CPAMD8: variants seen among roughly 807,000 people sequenced by gnomAD.
CPAMD8 encodes the protein C3 and PZP like alpha-2-macroglobulin domain containing 8.
In CPAMD8, 146 loss-of-function variants were observed where a neutral mutation model predicts 224.7. That is an observed-to-expected ratio of 0.65 (90% CI 0.57 to 0.75). CPAMD8 has a LOEUF of 0.75. Among genes scored for constraint, CPAMD8 ranks in the 30% least tolerant of loss-of-function variants. The pLI, the probability that CPAMD8 is intolerant of heterozygous loss-of-function variation, is 0.00. For missense variants in CPAMD8, 2,301 were observed against 2,537.5 expected, an observed-to-expected ratio of 0.91 and a Z score of 2.00; for synonymous variants, 966 against 1,044.6, an observed-to-expected ratio of 0.92 and a Z score of 1.45.
chr19:17,026,475 G>GCAACACTCTGAGCCAGTACCCGCGACCCC, intron 1 of CPAMD8, 76 bp downstream of exon 1: 1 of 1,377,606 alleles, frequency 7.3e-7, no homozygotes, highest in East Asian at 3.1e-5. Context: ...GCAGGTCGCT[G>GCAACACTCTGAGCCAGTACCCGCGACCCC]CAACACTCTG....
At chr19:16,932,711 C>T (rs2053581536) in intron 23 of CPAMD8, among the ~76,000 whole-genome samples, 1 of 151,840 alleles carries the variant, frequency 6.6e-6, no homozygotes, top group South Asian at 2.1e-4. Context: ...TATAAAGTAA[C>T]CAAATACTCA....
At chr19:16,950,793 G>GAAA (rs757775739) in intron 20 of CPAMD8, among the ~76,000 whole-genome samples, 20 of 45,794 alleles carry the variant, frequency 4.4e-4, no homozygotes, top group African/African-American at 1.1e-3. Flanking sequence ...ACCCTGTCTC[G>GAAA]AAAAAAAAAA....
chr19:16,942,973 T>C (rs73496863), intron 22 of CPAMD8, among the ~76,000 whole-genome samples: 3,011 of 151,910 alleles, frequency 0.02, 38 homozygotes, highest in African/African-American at 0.026. Context: ...ATACACCATG[T>C]GGCCTTTTGT....
intron 20 of CPAMD8, among the ~76,000 whole-genome samples, chr19:16,948,124 C>T (rs1568514613): frequency 6.6e-6 from 1 of 152,212 alleles, no homozygotes; most frequent in South Asian, 2.1e-4. Flanking sequence ...TTTGCAACCC[C>T]TCCATCTAAG....
In CPAMD8 at chr19:16,904,279, C is replaced by T. The variant is rs2052381571; in HGVS notation, c.4198G>A (p.Val1400Met). The stretch of plus-strand genomic sequence containing the variant: ...TTTCGCTGCTGGGACAGCCACTTCA[C>T]CACAGGCAGGGCGGCAGCCACGTCA... ...LGDVAAALPV[V>M]KWLSQQRNAL... Residue 1400 changes from valine to methionine, a missense_variant, in exon 32 of 42, where the codon GTG (valine) becomes ATG (methionine). Physicochemically the swap from Val to Met is conservative, Grantham distance 21. Around this residue, in one of 4 missense-constraint regions of CPAMD8, gnomAD observed 1,709 missense variants for 1,753.2 expected, o/e 0.97. Coordinates refer to ENST00000443236, the MANE Select transcript of CPAMD8 (RefSeq NM_015692.5). The T allele has an allele frequency of 6.2e-7, 1 of 1,607,782 alleles. No individual in the cohort carries two copies.
chr19:16,907,260 C>T (rs1346076644), intron 29 of CPAMD8, 143 bp from the exon 30 acceptor site: 2 of 994,952 alleles, frequency 2.0e-6, no homozygotes, highest in Non-Finnish European at 2.6e-6. Flanking sequence ...CTCTCACTGC[C>T]TGCAGACCCA....
chr19:16,945,365 G>A (rs77632970), intron 22 of CPAMD8, among the ~76,000 whole-genome samples, 184 bp downstream of exon 22: 59 of 152,252 alleles, frequency 3.9e-4, no homozygotes, highest in African/African-American at 1.3e-3. Flanking sequence ...GGGAGGGAAC[G>A]GACTACCATG....
intron 27 of CPAMD8, among the ~76,000 whole-genome samples, chr19:16,920,467 G>A (rs567638794): frequency 6.8e-4 from 102 of 148,928 alleles, no homozygotes; most frequent in Middle Eastern, 3.6e-3. Flanking sequence ...GTGACAGAGC[G>A]AGACTCCGTC....
At chr19:16,941,720 A>G (rs2053897071) in intron 22 of CPAMD8, among the ~76,000 whole-genome samples, 1 of 152,322 alleles carries the variant, frequency 6.6e-6, no homozygotes, top group Non-Finnish European at 1.5e-5. Flanking sequence ...CACGCCTGTA[A>G]TCCCAGCACT....
chr19:17,016,675 A>C (rs1213372450), intron 3 of CPAMD8, among the ~76,000 whole-genome samples: 1 of 151,992 alleles, frequency 6.6e-6, no homozygotes, highest in Non-Finnish European at 1.5e-5. Context: ...CAGGAAAATC[A>C]CTTGAACCCA....
At chr19:16,942,767 GTCCATCCTGGT>G (rs1397491757) in intron 22 of CPAMD8, among the ~76,000 whole-genome samples, 2 of 152,160 alleles carry the variant, frequency 1.3e-5, no homozygotes, top group African/African-American at 2.4e-5. Context: ...GGCTGCACTT[GTCCATCCTGGT>G]TCCAACCTCC....
chr19:16,951,858 T>A, intron 20 of CPAMD8, 111 bp downstream of exon 20: 4 of 711,816 alleles, frequency 5.6e-6, no homozygotes, highest in East Asian at 2.9e-5. Context: ...GCTCTCGCCC[T>A]CCTAAATCCC....
chr19:16,950,377 CA>C (rs2054260325), intron 20 of CPAMD8, among the ~76,000 whole-genome samples: 1 of 152,070 alleles, frequency 6.6e-6, no homozygotes, highest in Admixed American at 6.6e-5. Flanking sequence ...CATGCCCCAC[CA>C]AAACTGAGTG....
chr19:16,938,390 C>T lies in CPAMD8; in HGVS notation c.2845+5G>A. 3 of 1,538,126 alleles carry T rather than the reference C, an allele frequency of 2.0e-6. No individual in the cohort carries two copies. Among genetic ancestry groups the T allele is most frequent in the Non-Finnish European group, 2.6e-6 (3 of 1,144,384 alleles). On this transcript the variant is annotated splice_donor_5th_base_variant and intron_variant, in intron 23 of 41. Transcript: ENST00000443236. ...ACCTTAGCAGAATGGGCACGGGGGA[C>T]TCACCACTGGGACAGAAGAATGCGC...
intron 14 of CPAMD8, among the ~76,000 whole-genome samples, chr19:16,979,598 C>T (rs926853519): frequency 7.3e-5 from 10 of 136,970 alleles, no homozygotes; most frequent in African/African-American, 3.2e-4. Context: ...ATCCACTGTT[C>T]TATCAGTCCA....
At chr19:17,001,331 A>C (rs1490192421) in intron 9 of CPAMD8, among the ~76,000 whole-genome samples, 1 of 150,608 alleles carries the variant, frequency 6.6e-6, no homozygotes, top group East Asian at 1.9e-4. Context: ...AAAAAAAAAA[A>C]AAAAAAAAAA....
chr19:16,978,307 A>G (rs1041096673), intron 14 of CPAMD8, among the ~76,000 whole-genome samples: 2 of 152,052 alleles, frequency 1.3e-5, no homozygotes, highest in Admixed American at 6.6e-5. Context: ...CCCCACCCCC[A>G]AGTCACAGCC....
In CPAMD8 at chr19:16,921,922, G is replaced by C; in HGVS notation, c.3612C>G (p.Asp1204Glu). The stretch of plus-strand genomic sequence containing the variant: ...GGACTCACCACATGCTCCCCGATGC[G>C]TCCCGCTCCCCAAACGCGCTGTAGG... Reference protein sequence around the residue: ...DGSYSAFGERDASGSMWLTAF... With the variant: ...DGSYSAFGEREASGSMWLTAF... The change falls in exon 27 of 42, where the codon GAC (aspartate) becomes GAG (glutamate). Residue 1204 changes from aspartate to glutamate, a missense_variant. Around this residue, in one of 4 missense-constraint regions of CPAMD8, gnomAD observed 1,709 missense variants for 1,753.2 expected, o/e 0.97. Coordinates refer to ENST00000443236, the MANE Select transcript of CPAMD8 (RefSeq NM_015692.5). 6.5e-7 allele frequency: 1 copy of C among 1,545,526 alleles called. No homozygotes were observed. Among genetic ancestry groups the C allele is most frequent in the Non-Finnish European group, 8.7e-7 (1 of 1,146,508 alleles).
chr19:17,010,088 T>C (rs2056605959), intron 5 of CPAMD8, among the ~76,000 whole-genome samples: 1 of 152,152 alleles, frequency 6.6e-6, no homozygotes, highest in South Asian at 2.1e-4. Context: ...AGAGACATGA[T>C]GATCAAATGC....
Sources: gnomAD v4.1 joint callset for allele counts (sites outside exome capture counted in the v4.1 genomes callset) on GRCh38, gnomAD v4.1.1 for gene constraint, gnomAD v4.1.1 regional missense constraint, MANE v1.5 for transcripts, NCBI Gene and HGNC (gene_info 2026-07-23, HGNC 2026-07-21) for gene names.